Variants in NCKAP5 observed in about 807,000 individuals in gnomAD.
The protein encoded by NCKAP5 is NCK associated protein 5.
In NCKAP5, 92 loss-of-function variants were observed where a neutral mutation model predicts 167.0. The ratio of observed to expected loss-of-function variants is 0.55; its 90% CI spans 0.47 to 0.66. The LOEUF (loss-of-function observed/expected upper bound fraction) is 0.66. NCKAP5 is among the 30% of genes least tolerant of loss of function. NCKAP5 has a pLI of 0.00. For synonymous variants in NCKAP5, 891 were observed against 877.4 expected (o/e 1.02, Z -0.27); for missense variants, 2,378 against 2,315.0 (o/e 1.03, Z -0.56).
At chr2:133,480,735 TC>T (rs1250638064) in intron 3 of NCKAP5, among the ~76,000 whole-genome samples, 13 of 152,200 alleles carry the variant, frequency 8.5e-5, no homozygotes, top group Non-Finnish European at 1.5e-5. Context: ...TCACTCTTGC[TC>T]ATCTCCTACT....
intron 11 of NCKAP5, among the ~76,000 whole-genome samples, chr2:132,839,313 T>C (rs1688124673): frequency 6.6e-6 from 1 of 152,240 alleles, no homozygotes; most frequent in Non-Finnish European, 1.5e-5. Flanking sequence ...CATTAAAATC[T>C]TATATATATC....
At chr2:133,330,273 T>C (rs889309093) in intron 3 of NCKAP5, among the ~76,000 whole-genome samples, 3 of 115,568 alleles carry the variant, frequency 2.6e-5, no homozygotes, top group African/African-American at 1.0e-4. Context: ...TTTGTAGAGA[T>C]GGGGTTTCAC....
intron 2 of NCKAP5, among the ~76,000 whole-genome samples, chr2:133,528,031 C>T (rs1283154396): frequency 6.6e-6 from 1 of 152,140 alleles, no homozygotes; most frequent in Non-Finnish European, 1.5e-5. Context: ...TGCCAGTGCA[C>T]TCCAGCCTGG....
intron 6 of NCKAP5, among the ~76,000 whole-genome samples, chr2:133,010,498 C>T (rs2078122036): frequency 6.6e-6 from 1 of 152,212 alleles, no homozygotes; most frequent in Non-Finnish European, 1.5e-5. Flanking sequence ...ATATTTGCAG[C>T]CCCTGTCTCA....
intron 11 of NCKAP5, among the ~76,000 whole-genome samples, chr2:132,838,596 C>T (rs527597030): frequency 6.6e-6 from 1 of 152,288 alleles, no homozygotes; most frequent in South Asian, 2.1e-4. Context: ...TACACCACTG[C>T]ACTCCAGGCT....
At chr2:132,808,895 T>C (rs1253786092) in intron 11 of NCKAP5, among the ~76,000 whole-genome samples, 1 of 152,154 alleles carries the variant, frequency 6.6e-6, no homozygotes, top group African/African-American at 2.4e-5. Flanking sequence ...CTTTTTGATA[T>C]AGGCATTTAG....
intron 8 of NCKAP5, among the ~76,000 whole-genome samples, chr2:132,882,316 T>C (rs1691820484): frequency 6.6e-6 from 1 of 152,084 alleles, no homozygotes; most frequent in Non-Finnish European, 1.5e-5. Flanking sequence ...CTGCTTCTAG[T>C]CGCTTTCAGT....
chr2:133,443,994 T>C (rs1325667737), intron 3 of NCKAP5, among the ~76,000 whole-genome samples: 3 of 152,262 alleles, frequency 2.0e-5, no homozygotes, highest in Non-Finnish European at 4.4e-5. Flanking sequence ...GTGTATGCTT[T>C]TGTGACAATC....
At chr2:133,397,991 C>T (rs1320191738) in intron 3 of NCKAP5, among the ~76,000 whole-genome samples, 1 of 152,086 alleles carries the variant, frequency 6.6e-6, no homozygotes, top group Non-Finnish European at 1.5e-5. Context: ...AGTGGCCTCC[C>T]CTCTCAGTGT....
chr2:133,032,870 C>G (rs74650129), intron 6 of NCKAP5, among the ~76,000 whole-genome samples: 13,544 of 152,082 alleles, frequency 0.089, 2,011 homozygotes, highest in African/African-American at 0.3. Flanking sequence ...ACATGGTGTA[C>G]CAGTGGGGAG....
chr2:133,198,557 T>C (rs939330926), intron 5 of NCKAP5, among the ~76,000 whole-genome samples: 1 of 152,112 alleles, frequency 6.6e-6, no homozygotes, highest in African/African-American at 2.4e-5. Flanking sequence ...TTTTGTTTCA[T>C]TGTCATCAAA....
At chr2:132,673,562 A>G (rs1278741874) in intron 19 of NCKAP5, among the ~76,000 whole-genome samples, 1 of 152,146 alleles carries the variant, frequency 6.6e-6, no homozygotes, top group African/African-American at 2.4e-5. Flanking sequence ...TTTTAAATGG[A>G]TCCATTTGAA....
chr2:133,401,205 G>A lies in NCKAP5; in HGVS notation c.70-98095C>T, dbSNP rs150851096. 1.4e-4 allele frequency among the ~76,000 whole-genome samples: 21 copies of A among 152,340 alleles called. No homozygotes were observed. The East Asian group carries it at 2.9e-3, about 21-fold the overall frequency. On this transcript the variant is annotated intron_variant, in intron 3 of 19. Transcript: ENST00000409261. ...TTGGAAAGCTTCTGGGATAGTGAAC[G>A]CATTGAGGTTCTGGCAGGTTGGTGC...
chr2:133,659,141 G>C, the NCKAP5 span, among the ~76,000 whole-genome samples: 1 of 151,998 alleles, frequency 6.6e-6, no homozygotes, highest in Non-Finnish European at 1.5e-5. Context: ...CCTAAGGCTA[G>C]TCACTTAACC....
intron 3 of NCKAP5, among the ~76,000 whole-genome samples, chr2:133,369,514 G>T (rs1037566211): frequency 2.6e-5 from 4 of 152,208 alleles, no homozygotes; most frequent in African/African-American, 4.8e-5. Context: ...AGCCATGTAG[G>T]TTTGAGCACT....
chr2:133,406,256 TTAAC>T (rs1273746515), intron 3 of NCKAP5, among the ~76,000 whole-genome samples: 1 of 152,224 alleles, frequency 6.6e-6, no homozygotes, highest in Non-Finnish European at 1.5e-5. Context: ...TTCCTTTCAT[TTAAC>T]TAAGTTGATT....
At chr2:132,961,378 T>C (rs2076507131) in intron 8 of NCKAP5, among the ~76,000 whole-genome samples, 2 of 151,910 alleles carry the variant, frequency 1.3e-5, no homozygotes, top group South Asian at 4.1e-4. Flanking sequence ...TTTTACATAC[T>C]TTATTATAAA....
chr2:132,963,933 C>G, intron 7 of NCKAP5, 64 bp from the exon 8 acceptor site: 1 of 1,572,128 alleles, frequency 6.4e-7, no homozygotes, highest in Non-Finnish European at 8.7e-7. Flanking sequence ...GAGTGTGAGG[C>G]TGAAAAGGCT....
chr2:132,799,549 A>C (rs1684868506), intron 11 of NCKAP5, among the ~76,000 whole-genome samples: 2 of 152,172 alleles, frequency 1.3e-5, no homozygotes, highest in South Asian at 4.1e-4. Flanking sequence ...TATCATATTA[A>C]GAAGGGAAAA....
Sources: allele counts gnomAD v4.1 joint callset (sites outside exome capture counted in the v4.1 genomes callset), GRCh38; gene constraint gnomAD v4.1.1; transcripts MANE v1.5; gene names NCBI Gene and HGNC (gene_info 2026-07-23, HGNC 2026-07-21).